Variants in SLC39A11 observed in about 807,000 individuals in gnomAD.
SLC39A11 encodes the protein solute carrier family 39 member 11.
SLC39A11 carries 33 observed loss-of-function variants against 36.1 expected under a neutral mutation model. That is an observed-to-expected ratio of 0.91 (90% CI 0.69 to 1.22). SLC39A11 has a LOEUF of 1.22. Among genes scored for constraint, SLC39A11 ranks in the 50% most tolerant of loss-of-function variants. SLC39A11 has a pLI of 0.00. For synonymous variants in SLC39A11, 166 were observed against 170.3 expected (o/e 0.97, Z 0.20); for missense variants, 432 against 430.3 (o/e 1.00, Z -0.03).
intron 3 of SLC39A11, among the ~76,000 whole-genome samples, chr17:73,045,977 G>A (rs115759198): frequency 0.01 from 1,527 of 152,246 alleles, 23 homozygotes; most frequent in South Asian, 0.054. Flanking sequence ...CCCAACCCCA[G>A]CATCACCACT....
intron 3 of SLC39A11, among the ~76,000 whole-genome samples, chr17:73,034,473 T>C (rs918892239): frequency 6.6e-5 from 10 of 152,316 alleles, no homozygotes; most frequent in Admixed American, 1.3e-4. Context: ...CTGCCTACCT[T>C]GGCCTCCCAA....
intron 6 of SLC39A11, among the ~76,000 whole-genome samples, chr17:72,742,691 G>A (rs2074766555): frequency 6.6e-6 from 1 of 151,686 alleles, no homozygotes; most frequent in Non-Finnish European, 1.5e-5. Context: ...TAATTTTATT[G>A]TAACAGACAA....
intron 6 of SLC39A11, among the ~76,000 whole-genome samples, chr17:72,834,912 C>T (rs897543926): frequency 6.6e-6 from 1 of 152,220 alleles, no homozygotes; most frequent in Non-Finnish European, 1.5e-5. Context: ...GATCTGAAGG[C>T]CAGAAAGTAG....
rs777918967 is a variant in SLC39A11, at chr17:72,649,210, G to C, written c.730C>G (p.Pro244Ala). ...GTGGAGAAGCCTGCCCCTCGCAAGG[G>C]AAGGCTGACAGCCAGGCCCTCGGGG... is the stretch of plus-strand genomic sequence containing the variant. ...NFPEGLAVSL[P>A]LRGAGFSTWR... The change falls in exon 8 of 10, where the codon CCC becomes GCC. Residue 244 changes from proline (P) to alanine (A), a missense_variant. Physicochemically the swap from Pro to Ala is conservative, Grantham distance 27 (BLOSUM62 -1). Coordinates refer to ENST00000255559, the MANE Select transcript of SLC39A11 (RefSeq NM_139177.4). 4 of 1,614,120 alleles carry C rather than the reference G, an allele frequency of 2.5e-6. No homozygotes were observed. The highest frequency in any genetic ancestry group is 3.4e-6 in the Non-Finnish European group (4 of 1,180,048).
At position 72,711,550 on chromosome 17, in the gene SLC39A11, A is replaced by G. The variant is rs142610949; in HGVS notation, c.671+25100T>C. Among the ~76,000 whole-genome samples, 1,154 of 152,314 alleles carry G rather than the reference A, an allele frequency of 7.6e-3. 16 individuals carry two copies. The highest frequency in any genetic ancestry group is 0.026 in the African/African-American group (1,092 of 41,568). On this transcript the variant is annotated intron_variant, in intron 7 of 9. Transcript: ENST00000255559. ...GAGAAATCAACTTCTTATTTATACC[A>G]TTATAAATTTGGATTCTGTTACAAA...
chr17:72,757,169 A>AAATAAAT (rs1194135122), intron 6 of SLC39A11, among the ~76,000 whole-genome samples: 8 of 152,008 alleles, frequency 5.3e-5, no homozygotes, highest in Admixed American at 4.6e-4. Context: ...CCGTCTCAAT[A>AAATAAAT]AATAAATAAT....
intron 3 of SLC39A11, among the ~76,000 whole-genome samples, chr17:73,052,013 G>C (rs543217952): frequency 7.3e-4 from 111 of 151,816 alleles, no homozygotes; most frequent in Non-Finnish European, 1.2e-3. Flanking sequence ...TGTAAAATTG[G>C]AATAACCATC....
At chr17:72,916,762 G>A (rs1484890710) in intron 5 of SLC39A11, among the ~76,000 whole-genome samples, 2 of 151,998 alleles carry the variant, frequency 1.3e-5, no homozygotes, top group Admixed American at 6.6e-5. Flanking sequence ...ACCAGGCAAG[G>A]ACTCTCCCAA....
chr17:72,695,201 A>C (rs35499249), intron 7 of SLC39A11, among the ~76,000 whole-genome samples: 25,971 of 152,112 alleles, frequency 0.17, 3,434 homozygotes, highest in African/African-American at 0.37. Context: ...TCTCTGCCTC[A>C]GTGTCTCCTC....
chr17:72,895,102 T>C (rs72847954), intron 5 of SLC39A11, among the ~76,000 whole-genome samples: 14,371 of 151,510 alleles, frequency 0.095, 997 homozygotes, highest in African/African-American at 0.2. Context: ...CATTGGTGGG[T>C]GCTAGTCGCA....
chr17:73,088,579 C>A, intron 2 of SLC39A11, 78 bp downstream of exon 2: 1 of 1,175,308 alleles, frequency 8.5e-7, no homozygotes, highest in Non-Finnish European at 1.2e-6. Flanking sequence ...GTCTACAAAC[C>A]TGCTCCATGG....
At chr17:72,911,033 A>T (rs1231740476) in intron 5 of SLC39A11, among the ~76,000 whole-genome samples, 1 of 152,112 alleles carries the variant, frequency 6.6e-6, no homozygotes, top group Non-Finnish European at 1.5e-5. Flanking sequence ...ACAACTCAGT[A>T]TAGGTTCTTT....
rs180916221 is a variant in SLC39A11 at position 72,713,894 on chromosome 17, T to C, written c.671+22756A>G. ...CCTGGAGCCATTCATAGGCCCATTA[T>C]ACAGATTTTAAAAAAGCAAACTGAG... On this transcript the variant is annotated intron_variant, in intron 7 of 9. Coordinates refer to ENST00000255559, the MANE Select transcript of SLC39A11 (RefSeq NM_139177.4). 2.6e-4 allele frequency among the ~76,000 whole-genome samples: 39 copies of C among 152,284 alleles called. No homozygotes were observed. The East Asian group carries it at 6.8e-3, about 26-fold the overall frequency.
chr17:72,921,782 C>T (rs936511392), intron 5 of SLC39A11, among the ~76,000 whole-genome samples: 6 of 152,188 alleles, frequency 3.9e-5, no homozygotes, highest in Non-Finnish European at 8.8e-5. Context: ...AATTCTAAGA[C>T]ACCAACAATT....
chr17:72,715,880 A>G (rs2073339897), intron 7 of SLC39A11, among the ~76,000 whole-genome samples: 1 of 151,966 alleles, frequency 6.6e-6, no homozygotes, highest in African/African-American at 2.4e-5. Flanking sequence ...TATTTTGAGT[A>G]GAGACGTGGT....
chr17:73,041,748 T>C (rs964572482), intron 3 of SLC39A11, among the ~76,000 whole-genome samples: 3 of 152,242 alleles, frequency 2.0e-5, no homozygotes, highest in African/African-American at 7.2e-5. Context: ...ACTGTGCATT[T>C]GTGGAAGGCT....
chr17:72,920,015 T>C (rs890501365), intron 5 of SLC39A11, among the ~76,000 whole-genome samples: 1 of 152,180 alleles, frequency 6.6e-6, no homozygotes, highest in Non-Finnish European at 1.5e-5. Context: ...GCTTTCTCTT[T>C]TGGGAGAAAC....
chr17:72,670,212 C>T (rs28867499), intron 7 of SLC39A11, among the ~76,000 whole-genome samples: 88,111 of 124,594 alleles, frequency 0.71, 28,136 homozygotes, highest in Middle Eastern at 0.74. Context: ...CACACACACA[C>T]ATATATATAT....
chr17:72,914,961 CCT>C (rs1206204286), intron 5 of SLC39A11, among the ~76,000 whole-genome samples: 1 of 147,902 alleles, frequency 6.8e-6, no homozygotes, highest in Non-Finnish European at 1.5e-5. Flanking sequence ...AAGTCATTCC[CCT>C]GTTTCTGCTT....
Sources: gnomAD v4.1 joint callset for allele counts (sites outside exome capture counted in the v4.1 genomes callset) on GRCh38, gnomAD v4.1.1 for gene constraint, MANE v1.5 for transcripts, NCBI Gene and HGNC (gene_info 2026-07-23, HGNC 2026-07-21) for gene names.